The following IQGAP2 variants were observed in gnomAD, a reference collection of about 807,000 sequenced individuals.
The protein encoded by IQGAP2 is ras GTPase-activating-like protein IQGAP2.
A neutral mutation model predicts 201.3 loss-of-function variants in IQGAP2; 173 were observed. The ratio of observed to expected loss-of-function variants is 0.86; its 90% CI spans 0.76 to 0.98. The LOEUF is 0.98. Ranked by LOEUF, IQGAP2 falls within the 50% of genes least tolerant of loss-of-function variation. IQGAP2 has a pLI of 0.00. For synonymous variants in IQGAP2, 675 were observed against 673.9 expected, an observed-to-expected ratio of 1.00 and a Z score of -0.03; for missense variants, 1,687 against 1,864.8, an observed-to-expected ratio of 0.90 and a Z score of 1.76.
At chr5:76,501,712 G>A (rs958855013) in intron 2 of IQGAP2, among the ~76,000 whole-genome samples, 3 of 136,270 alleles carry the variant, frequency 2.2e-5, no homozygotes, top group South Asian at 4.8e-4. Flanking sequence ...GCACGATCTC[G>A]GCTCACTGCA....
At chr5:76,531,455 G>A (rs771220899) in intron 2 of IQGAP2, among the ~76,000 whole-genome samples, 1 of 152,056 alleles carries the variant, frequency 6.6e-6, no homozygotes, top group Non-Finnish European at 1.5e-5. Flanking sequence ...TTGAGGGACA[G>A]GGTTTTGCTA....
At chr5:76,510,658 T>C in intron 2 of IQGAP2, 1 of 535,972 alleles carries the variant, frequency 1.9e-6, no homozygotes, top group Non-Finnish European at 3.8e-6. Context: ...CTTTGGGGAC[T>C]GCCACCGCTA....
At chr5:76,663,451 G>GT (rs1310272317) in intron 21 of IQGAP2, among the ~76,000 whole-genome samples, 3 of 144,484 alleles carry the variant, frequency 2.1e-5, no homozygotes, top group African/African-American at 7.4e-5. Flanking sequence ...CAGGGGAGGT[G>GT]TTCTAGAACA....
rs1204125744 is a variant in IQGAP2, at chr5:76,589,447, A to G, written c.527-168A>G. On this transcript the variant is annotated intron_variant, in intron 6 of 35. Transcript: ENST00000274364. ...GTTCTTGACTGAGTTCTCCTTCTCCATGTTTGTGAAATGAGAAACTTGGGC... is the reference window on the plus strand; with the variant it reads ...GTTCTTGACTGAGTTCTCCTTCTCCGTGTTTGTGAAATGAGAAACTTGGGC... Among the ~76,000 whole-genome samples, 36 of 152,068 alleles carry G rather than the reference A, an allele frequency of 2.4e-4. 1 individual carries two copies. Among genetic ancestry groups the G allele is most frequent in the Admixed American group, 2.4e-3 (36 of 15,272 alleles).
At chr5:76,555,867 G>C (rs1743905933) in intron 2 of IQGAP2, among the ~76,000 whole-genome samples, 3 of 152,068 alleles carry the variant, frequency 2.0e-5, no homozygotes, top group Admixed American at 2.0e-4. Context: ...CTTAGGGGTG[G>C]TGCACCTCTC....
chr5:76,520,793 C>T (rs986455856), intron 2 of IQGAP2, among the ~76,000 whole-genome samples: 3 of 149,230 alleles, frequency 2.0e-5, no homozygotes, highest in Non-Finnish European at 3.0e-5. Flanking sequence ...CTGCCGACTC[C>T]GCCTCCCAGG....
chr5:76,437,234 G>T (rs1449566452), intron 1 of IQGAP2, among the ~76,000 whole-genome samples: 3 of 151,598 alleles, frequency 2.0e-5, no homozygotes, highest in African/African-American at 7.3e-5. Flanking sequence ...TATATTTTTA[G>T]TAGAGATGGG....
intron 5 of IQGAP2, among the ~76,000 whole-genome samples, chr5:76,582,237 C>T (rs1745920926): frequency 6.6e-6 from 1 of 152,232 alleles, no homozygotes; most frequent in Non-Finnish European, 1.5e-5. Flanking sequence ...TATTTCCCTA[C>T]TTCTAAGAAA....
At chr5:76,636,268 C>G (rs1751119123) in intron 15 of IQGAP2, among the ~76,000 whole-genome samples, 1 of 152,144 alleles carries the variant, frequency 6.6e-6, no homozygotes, top group Non-Finnish European at 1.5e-5. Flanking sequence ...GCTCTCAGGT[C>G]TGGGGACCAG....
At chr5:76,538,259 T>A (rs1759740988) in intron 2 of IQGAP2, among the ~76,000 whole-genome samples, 1 of 152,206 alleles carries the variant, frequency 6.6e-6, no homozygotes, top group Non-Finnish European at 1.5e-5. Context: ...GCCTCCATGA[T>A]CCAATTACCT....
intron 2 of IQGAP2, among the ~76,000 whole-genome samples, chr5:76,517,887 A>T (rs1476162073): frequency 6.6e-6 from 1 of 152,174 alleles, no homozygotes; most frequent in Non-Finnish European, 1.5e-5. Flanking sequence ...GGACTGTATT[A>T]GTCCATTTTC....
At chr5:76,606,111 G>A in intron 11 of IQGAP2, 68 bp from the exon 12 acceptor site, 1 of 1,387,374 alleles carries the variant, frequency 7.2e-7, no homozygotes, top group East Asian at 2.4e-5. Context: ...ATGTGTCATA[G>A]TTGAGAAACA....
chr5:76,409,227 A>G (rs141088055), intron 1 of IQGAP2, among the ~76,000 whole-genome samples: 1 of 149,842 alleles, frequency 6.7e-6, no homozygotes, highest in African/African-American at 2.4e-5. Context: ...AAGAAACAGC[A>G]TAGAATACAT....
intron 2 of IQGAP2, among the ~76,000 whole-genome samples, chr5:76,556,285 G>A (rs62361995): frequency 0.29 from 44,047 of 151,934 alleles, 6,512 homozygotes; most frequent in South Asian, 0.5. Flanking sequence ...ATGCAAATGG[G>A]CTGTCCAGTT....
At chr5:76,490,612 G>A (rs1756478051) in intron 2 of IQGAP2, among the ~76,000 whole-genome samples, 1 of 152,176 alleles carries the variant, frequency 6.6e-6, no homozygotes, top group African/African-American at 2.4e-5. Flanking sequence ...AAGTGGGGCG[G>A]CCTGGCCAAA....
At chr5:76,505,846 C>T (rs1757581878) in intron 2 of IQGAP2, among the ~76,000 whole-genome samples, 1 of 152,196 alleles carries the variant, frequency 6.6e-6, no homozygotes, top group Non-Finnish European at 1.5e-5. Flanking sequence ...ACGCTGGTTG[C>T]CCACCTTTAT....
chr5:76,613,370 A>C lies in IQGAP2; in HGVS notation c.1521+2187A>C, dbSNP rs1748580427. Among the ~76,000 whole-genome samples the C allele has an allele frequency of 2.6e-5, 4 of 152,222 alleles. No individual in the cohort carries two copies. The South Asian group carries it at 8.3e-4, about 31-fold the overall frequency. On this transcript the variant is annotated intron_variant, in intron 13 of 35. Coordinates refer to ENST00000274364, the MANE Select transcript of IQGAP2 (RefSeq NM_006633.5). ...TTTGCTTTGAAGATAGACATCATTC[A>C]AATCCTGGCTTTGCCACAAATTAGT...
At position 76,697,993 on chromosome 5, in the gene IQGAP2, C is replaced by T. The variant is rs750847318; in HGVS notation, c.4213C>T (p.Arg1405Ter). The change falls in exon 33 of 36, where the codon CGA becomes TGA. Residue 1405 changes from arginine to a stop codon, truncating the protein, a stop_gained. Transcript: ENST00000274364. LOFTEE classifies it high-confidence loss of function. ...CCCTTACTTGTTGTTTTAGGATATT[C>T]GAAATCAAAGAATCTATCGTAAGCT... is the stretch of plus-strand genomic sequence containing the variant. The part of the protein sequence containing the change: ...DILNEIAKDI[R>*]NQRIYRKLRK... The T allele has an allele frequency of 2.5e-6, 4 of 1,609,268 alleles. No individual in the cohort carries two copies. Among genetic ancestry groups the T allele is most frequent in the Non-Finnish European group, 3.4e-6 (4 of 1,178,012 alleles).
At position 76,674,709 on chromosome 5, in the gene IQGAP2, G is replaced by A; in HGVS notation, c.3527G>A (p.Arg1176Lys). The A allele has an allele frequency of 6.3e-7, 1 of 1,595,446 alleles. No homozygotes were observed. Reference protein sequence around the residue: ...NYLSETYQEFRKYFKEACNVP... With the variant: ...NYLSETYQEFKKYFKEACNVP... ...TTATCAGAGACGTATCAGGAATTCA[G>A]GTGAGAGGGGCCCTTAGTTTTGGAG... is the stretch of plus-strand genomic sequence containing the variant. Residue 1176 changes from arginine (R) to lysine (K), a missense_variant and splice_region_variant, in exon 27 of 36, where the codon AGG becomes AAG. Arg to Lys is a conservative substitution (Grantham distance 26). Transcript: ENST00000274364.
Sources: gnomAD v4.1 joint callset for allele counts (sites outside exome capture counted in the v4.1 genomes callset) on GRCh38, gnomAD v4.1.1 for gene constraint, MANE v1.5 for transcripts, NCBI Gene and HGNC (gene_info 2026-07-23, HGNC 2026-07-21) for gene names.